PPP1R12A: variants seen among roughly 807,000 people sequenced by gnomAD.
The protein encoded by PPP1R12A is protein phosphatase 1 regulatory subunit 12A, also known as myosin binding subunit.
In PPP1R12A, 19 loss-of-function variants were observed where a neutral mutation model predicts 139.6. The ratio of observed to expected loss-of-function variants is 0.14; its 90% CI spans 0.09 to 0.20. The LOEUF (loss-of-function observed/expected upper bound fraction) is 0.20. PPP1R12A is among the 10% of genes least tolerant of loss of function. The pLI is 1.00. For synonymous variants in PPP1R12A, 427 were observed against 420.6 expected, an observed-to-expected ratio of 1.02 and a Z score of -0.19; for missense variants, 925 against 1,211.5, an observed-to-expected ratio of 0.76 and a Z score of 3.51.
chr12:79,798,847 T>C (rs1872760761), intron 14 of PPP1R12A, among the ~76,000 whole-genome samples: 1 of 152,156 alleles, frequency 6.6e-6, no homozygotes, highest in Non-Finnish European at 1.5e-5. Flanking sequence ...AATTTAATTT[T>C]AAGATGGAAC....
chr12:79,826,779 T>A (rs1324720857), intron 5 of PPP1R12A, among the ~76,000 whole-genome samples: 3 of 152,210 alleles, frequency 2.0e-5, no homozygotes, highest in South Asian at 2.1e-4. Flanking sequence ...ACTGATTCAG[T>A]AGGGGAAACA....
rs1869645133 is a variant in PPP1R12A, at chr12:79,775,749, A to C, written c.*180T>G. 1.2e-5 allele frequency: 5 copies of C among 428,072 alleles called. No homozygotes were observed. Among genetic ancestry groups the C allele is most frequent in the Non-Finnish European group, 2.1e-5 (5 of 243,400 alleles). The allele number at this position is 428,072 out of a possible 1,614,324, so 26.5% of individuals were successfully genotyped here. A position where few individuals can be genotyped will look rare whatever the true frequency, so the allele number is the denominator to read the frequency against. On this transcript the variant is annotated 3_prime_UTR_variant, in exon 25 of 25. Coordinates refer to ENST00000450142, the MANE Select transcript of PPP1R12A (RefSeq NM_002480.3). ...AAAAAACAAAAAACAAACCAACAAC[A>C]ACAAAAACACCCCAGAAAATTAAAC... is the stretch of plus-strand genomic sequence containing the variant.
intron 9 of PPP1R12A, among the ~76,000 whole-genome samples, chr12:79,814,491 AAAAAAAAAAG>A (rs1875033516): frequency 6.9e-6 from 1 of 144,314 alleles, no homozygotes; most frequent in African/African-American, 2.6e-5. Context: ...AAAAAAAAAA[AAAAAAAAAAG>A]GACTCCCCCT....
chr12:79,896,271 G>A (rs1373606633), intron 1 of PPP1R12A, among the ~76,000 whole-genome samples: 1 of 152,016 alleles, frequency 6.6e-6, no homozygotes, highest in Non-Finnish European at 1.5e-5. Context: ...TATTTAAATA[G>A]CTAATAACAT....
At chr12:79,928,165 T>A (rs1887987342) in intron 1 of PPP1R12A, among the ~76,000 whole-genome samples, 2 of 152,224 alleles carry the variant, frequency 1.3e-5, no homozygotes, top group Non-Finnish European at 2.9e-5. Flanking sequence ...GAAAAACACT[T>A]CCTCTATTCC....
chr12:79,880,775 CT>C (rs1231004205), intron 1 of PPP1R12A, among the ~76,000 whole-genome samples: 3 of 150,280 alleles, frequency 2.0e-5, no homozygotes, highest in Non-Finnish European at 2.9e-5. Flanking sequence ...CTCATGGATA[CT>C]GCATTTTTTT....
chr12:79,874,622 T>C (rs1882924760), intron 1 of PPP1R12A, among the ~76,000 whole-genome samples: 1 of 152,102 alleles, frequency 6.6e-6, no homozygotes, highest in Admixed American at 6.6e-5. Context: ...CAAAAGCTCA[T>C]TGGAATCTTC....
chr12:79,901,301 C>A (rs1322610515), intron 1 of PPP1R12A, among the ~76,000 whole-genome samples: 1 of 152,130 alleles, frequency 6.6e-6, no homozygotes, highest in East Asian at 1.9e-4. Context: ...AGTAGGGCTC[C>A]TTTGATTACT....
chr12:79,855,311 G>T (rs1880515843), intron 2 of PPP1R12A, among the ~76,000 whole-genome samples: 1 of 151,900 alleles, frequency 6.6e-6, no homozygotes. Flanking sequence ...TATTAATACA[G>T]GTCTATTATC....
chr12:79,814,763 C>T (rs1422184695), intron 9 of PPP1R12A, among the ~76,000 whole-genome samples: 1 of 124,426 alleles, frequency 8.0e-6, no homozygotes, highest in Non-Finnish European at 1.6e-5. Flanking sequence ...TGCAGTGAGC[C>T]GAGATTGCGC....
At chr12:79,920,364 G>A (rs962924308) in intron 1 of PPP1R12A, among the ~76,000 whole-genome samples, 5 of 152,144 alleles carry the variant, frequency 3.3e-5, no homozygotes, top group African/African-American at 9.7e-5. Flanking sequence ...CAATTCTCTT[G>A]AGTATACACC....
intron 3 of PPP1R12A, among the ~76,000 whole-genome samples, chr12:79,836,200 T>C (rs964135963): frequency 2.6e-5 from 4 of 152,198 alleles, no homozygotes; most frequent in Middle Eastern, 3.2e-3. Flanking sequence ...ACCATTTCTA[T>C]AGTAAAGCAG....
intron 5 of PPP1R12A, among the ~76,000 whole-genome samples, chr12:79,822,828 T>G (rs1301100998): frequency 7.0e-6 from 1 of 143,576 alleles, no homozygotes; most frequent in Non-Finnish European, 1.5e-5. Flanking sequence ...TTTTTTTTTT[T>G]GCCTATGATG....
At chr12:79,921,540 T>A (rs566638659) in intron 1 of PPP1R12A, among the ~76,000 whole-genome samples, 1 of 152,324 alleles carries the variant, frequency 6.6e-6, no homozygotes, top group South Asian at 2.1e-4. Flanking sequence ...ATACTCTGGG[T>A]TAAGCCCGCC....
intron 1 of PPP1R12A, among the ~76,000 whole-genome samples, chr12:79,887,535 T>C (rs1341265309): frequency 1.3e-5 from 2 of 152,158 alleles, no homozygotes; most frequent in African/African-American, 4.8e-5. Context: ...TGGAAATAAG[T>C]TATAAGAAAA....
At chr12:79,870,943 C>T (rs1458458546) in intron 2 of PPP1R12A, among the ~76,000 whole-genome samples, 2 of 152,170 alleles carry the variant, frequency 1.3e-5, no homozygotes, top group African/African-American at 4.8e-5. Context: ...AAAGGTTTTC[C>T]TCTTTGATGT....
chr12:79,858,730 A>G (rs1380845896), intron 2 of PPP1R12A, among the ~76,000 whole-genome samples: 1 of 152,192 alleles, frequency 6.6e-6, no homozygotes, highest in Non-Finnish European at 1.5e-5. Flanking sequence ...AAATAGATGG[A>G]AAGGCCATGA....
At chr12:79,935,105 C>T (rs1888567846), upstream of PPP1R12A, 5 of 1,363,934 alleles carry the variant, frequency 3.7e-6, no homozygotes, top group Admixed American at 3.6e-5. Flanking sequence ...ACTGGGGCGG[C>T]GCACCCGGCC....
rs750298878 is a variant in PPP1R12A at position 79,817,363 on chromosome 12, T to A, written c.1239+31A>T. 6 of 1,596,212 alleles carry A rather than the reference T, an allele frequency of 3.8e-6. No individual in the cohort carries two copies. The Admixed American group carries it at 6.8e-5, about 18-fold the overall frequency. The stretch of plus-strand genomic sequence containing the variant: ...CCAAGTGGTACATAAATAGAATACA[T>A]GTATTTTCAGCAAATACAATTTTGG... On this transcript the variant is annotated intron_variant, in intron 9 of 24. Coordinates refer to ENST00000450142, the MANE Select transcript of PPP1R12A (RefSeq NM_002480.3).
Sources: allele counts gnomAD v4.1 joint callset (sites outside exome capture counted in the v4.1 genomes callset), GRCh38; gene constraint gnomAD v4.1.1; transcripts MANE v1.5; gene names NCBI Gene and HGNC (gene_info 2026-07-23, HGNC 2026-07-21).